The following TMTC1 variants were observed in gnomAD, a reference collection of about 807,000 sequenced individuals.
The protein encoded by TMTC1 is protein O-mannosyl-transferase TMTC1.
In TMTC1, 73 loss-of-function variants were observed where a neutral mutation model predicts 104.8. That is an observed-to-expected ratio of 0.70 (90% CI 0.58 to 0.85). The LOEUF (loss-of-function observed/expected upper bound fraction) is 0.85, where lower values mean the gene tolerates loss of function less well. Ranked by LOEUF, TMTC1 falls within the 40% of genes least tolerant of loss-of-function variation. The pLI, the probability that TMTC1 is intolerant of heterozygous loss-of-function variation, is 0.00. For missense variants in TMTC1, 1,035 were observed against 1,096.1 expected (o/e 0.94, Z 0.79); for synonymous variants, 434 against 428.7 (o/e 1.01, Z -0.15).
Position 29,604,558 on chromosome 12 carries a change from G to A in TMTC1, c.1129-259C>T, listed in dbSNP as rs976282647. The stretch of plus-strand genomic sequence containing the variant: ...TATTGGCCCACTACAGTCAGTGACC[G>A]CTACCTGTTGTTTAGGGCTGGATTT... On this transcript the variant is annotated intron_variant, in intron 6 of 17. Coordinates refer to ENST00000539277, the MANE Select transcript of TMTC1 (RefSeq NM_001193451.2). Among the ~76,000 whole-genome samples, 8 of 152,014 alleles carry A rather than the reference G, an allele frequency of 5.3e-5. No individual in the cohort carries two copies. The East Asian group carries it at 5.8e-4, about 11-fold the overall frequency.
intron 10 of TMTC1, among the ~76,000 whole-genome samples, chr12:29,549,509 T>C (rs1430593557): frequency 2.6e-5 from 4 of 152,076 alleles, no homozygotes; most frequent in African/African-American, 9.7e-5. Flanking sequence ...GACTTAAGAT[T>C]TGTGCATTTT....
chr12:29,662,982 C>G (rs73269872), intron 5 of TMTC1, among the ~76,000 whole-genome samples: 2,550 of 152,296 alleles, frequency 0.017, 64 homozygotes, highest in African/African-American at 0.057. Context: ...GAGAGCTTGA[C>G]AAGAAAGAAC....
At chr12:29,708,735 A>T (rs1358117299) in intron 5 of TMTC1, among the ~76,000 whole-genome samples, 1 of 152,154 alleles carries the variant, frequency 6.6e-6, no homozygotes, top group Non-Finnish European at 1.5e-5. Context: ...CACAAACCCA[A>T]ATATCAACCT....
At chr12:29,654,358 T>C (rs1279499647) in intron 5 of TMTC1, among the ~76,000 whole-genome samples, 1 of 152,280 alleles carries the variant, frequency 6.6e-6, no homozygotes. Flanking sequence ...TCAACATCAT[T>C]AGCCACCAGG....
intron 5 of TMTC1, among the ~76,000 whole-genome samples, chr12:29,688,870 G>T (rs1941178482): frequency 6.6e-6 from 1 of 152,072 alleles, no homozygotes; most frequent in Non-Finnish European, 1.5e-5. Context: ...TTTTTAGCTG[G>T]ACTCACTGCT....
intron 11 of TMTC1, among the ~76,000 whole-genome samples, chr12:29,527,357 A>G (rs1160045160): frequency 6.6e-6 from 1 of 152,334 alleles, no homozygotes; most frequent in East Asian, 1.9e-4. Flanking sequence ...TGAGTGAGAG[A>G]CACAATCCCT....
intron 5 of TMTC1, among the ~76,000 whole-genome samples, chr12:29,680,090 T>C (rs1940862861): frequency 6.6e-6 from 1 of 152,118 alleles, no homozygotes; most frequent in East Asian, 1.9e-4. Context: ...AGCAAATAAG[T>C]AATTACGCTG....
intron 5 of TMTC1, 148 bp from the exon 6 acceptor site, chr12:29,633,484 C>T: frequency 1.5e-6 from 1 of 667,640 alleles, no homozygotes; most frequent in Non-Finnish European, 2.4e-6. Flanking sequence ...AAGCCATTCA[C>T]TCATTTATTC....
intron 7 of TMTC1, among the ~76,000 whole-genome samples, chr12:29,586,031 G>A (rs1236879542): frequency 5.9e-5 from 9 of 152,074 alleles, no homozygotes; most frequent in African/African-American, 1.9e-4. Context: ...ACCTTGGGCA[G>A]TATGGCCATT....
chr12:29,784,129 G>A (rs1326402074), upstream of TMTC1, among the ~76,000 whole-genome samples: 2 of 151,972 alleles, frequency 1.3e-5, no homozygotes, highest in Non-Finnish European at 2.9e-5. Context: ...CGGCTGCCCG[G>A]GAGCTGCGGG....
At chr12:29,708,472 C>T (rs1664943914) in intron 5 of TMTC1, among the ~76,000 whole-genome samples, 1 of 152,144 alleles carries the variant, frequency 6.6e-6, no homozygotes, top group Admixed American at 6.5e-5. Context: ...AGCTCTTAAC[C>T]ACTGAGCCCC....
chr12:29,525,336 C>T, intron 11 of TMTC1, among the ~76,000 whole-genome samples: 1 of 151,738 alleles, frequency 6.6e-6, no homozygotes, highest in South Asian at 2.1e-4. Context: ...GCACCCATCA[C>T]CACACCCAGT....
rs553881472 is a variant in TMTC1 at position 29,575,974 on chromosome 12, A to G, written c.1419-3756T>C. Among the ~76,000 whole-genome samples the G allele has an allele frequency of 5.9e-5, 9 of 152,200 alleles. No homozygotes were observed. The East Asian group carries it at 1.7e-3, about 29-fold the overall frequency. On this transcript the variant is annotated intron_variant, in intron 8 of 17. Transcript: ENST00000539277. ...GGGGTAATACGTCATCATGGTTTTG[A>G]TCTGCGTTTCCCTGATGATTAGTGA...
intron 1 of TMTC1, among the ~76,000 whole-genome samples, chr12:29,781,373 CAA>C (rs903118436): frequency 6.6e-6 from 1 of 152,188 alleles, no homozygotes; most frequent in African/African-American, 2.4e-5. Context: ...ATGATTACCA[CAA>C]GAGTCCCTCA....
rs1162023243 is a variant in TMTC1, at chr12:29,613,933, A to G, written c.1129-9634T>C. ...ACCAAAATGCATGATTCATCTATCCACTTGGAATTGTCATACAGAAGACAG... is the reference window on the plus strand; with the variant it reads ...ACCAAAATGCATGATTCATCTATCCGCTTGGAATTGTCATACAGAAGACAG... On this transcript the variant is annotated intron_variant, in intron 6 of 17. Coordinates refer to ENST00000539277, the MANE Select transcript of TMTC1 (RefSeq NM_001193451.2). 5 of 981,390 alleles carry G rather than the reference A, an allele frequency of 5.1e-6. No homozygotes were observed. The African/African-American group carries it at 8.7e-5, about 17-fold the overall frequency. 60.8% of individuals were successfully genotyped at this position (981,390 alleles called of 1,614,324 possible).
At chr12:29,507,182 T>C (rs184608761) in intron 17 of TMTC1, among the ~76,000 whole-genome samples, 196 bp from the exon 18 acceptor site, 47 of 152,312 alleles carry the variant, frequency 3.1e-4, no homozygotes, top group Non-Finnish European at 4.7e-4. Context: ...ACTAGATCAG[T>C]TGCAGAATGT....
At chr12:29,612,048 C>T (rs1946859229) in intron 6 of TMTC1, among the ~76,000 whole-genome samples, 1 of 152,200 alleles carries the variant, frequency 6.6e-6, no homozygotes, top group Non-Finnish European at 1.5e-5. Flanking sequence ...GCAAGGGCTT[C>T]AAACTGAGGT....
chr12:29,592,572 C>G (rs902264236), intron 7 of TMTC1, among the ~76,000 whole-genome samples: 1 of 152,104 alleles, frequency 6.6e-6, no homozygotes, highest in African/African-American at 2.4e-5. Context: ...TCTTTTACTC[C>G]TCTCAGCCTC....
chr12:29,601,504 A>T (rs1221416386), intron 7 of TMTC1, among the ~76,000 whole-genome samples: 3 of 152,208 alleles, frequency 2.0e-5, no homozygotes, highest in African/African-American at 7.2e-5. Context: ...AAGCTTGATC[A>T]CCACATGAGT....
Sources: gnomAD v4.1 joint callset for allele counts (sites outside exome capture counted in the v4.1 genomes callset) on GRCh38, gnomAD v4.1.1 for gene constraint, MANE v1.5 for transcripts, NCBI Gene and HGNC (gene_info 2026-07-23, HGNC 2026-07-21) for gene names.